ZCWPW2: variants seen among roughly 807,000 people sequenced by gnomAD.
ZCWPW2 encodes zinc finger CW-type PWWP domain protein 2.
ZCWPW2 carries 45 observed loss-of-function variants against 46.6 expected under a neutral mutation model. That is an observed-to-expected ratio of 0.96 (90% CI 0.76 to 1.24). The LOEUF is 1.24. ZCWPW2 is among the 50% of genes most tolerant of loss of function. The probability of loss-of-function intolerance (pLI) is 0.00; values close to 1 mark genes in which losing one functional copy is unlikely to be tolerated. For missense variants in ZCWPW2, 429 were observed against 403.9 expected, an observed-to-expected ratio of 1.06 and a Z score of -0.53; for synonymous variants, 152 against 137.1, an observed-to-expected ratio of 1.11 and a Z score of -0.76.
intron 1 of ZCWPW2, among the ~76,000 whole-genome samples, chr3:28,349,513 C>G (rs1272411497): frequency 6.6e-6 from 1 of 152,208 alleles, no homozygotes; most frequent in Non-Finnish European, 1.5e-5. Context: ...ACCACGACTT[C>G]TAGCACACTG....
chr3:28,439,655 A>G (rs1303514580), intron 4 of ZCWPW2, among the ~76,000 whole-genome samples: 1 of 152,222 alleles, frequency 6.6e-6, no homozygotes, highest in African/African-American at 2.4e-5. Flanking sequence ...GCCTAACATA[A>G]TACAACTATC....
chr3:28,368,472 T>G, intron 1 of ZCWPW2, among the ~76,000 whole-genome samples: 1 of 152,230 alleles, frequency 6.6e-6, no homozygotes, highest in Admixed American at 6.5e-5. Context: ...TCTTTAAGAA[T>G]GTTAAATATT....
chr3:28,363,771 T>C (rs1228751375), intron 1 of ZCWPW2, among the ~76,000 whole-genome samples: 1 of 152,144 alleles, frequency 6.6e-6, no homozygotes, highest in African/African-American at 2.4e-5. Context: ...TTAAACCTTA[T>C]GGCTTGCCTT....
chr3:28,451,273 G>T (rs1209125151), intron 4 of ZCWPW2, among the ~76,000 whole-genome samples: 3 of 152,148 alleles, frequency 2.0e-5, no homozygotes, highest in Non-Finnish European at 4.4e-5. Flanking sequence ...GCCATCCCTT[G>T]AAGGTAGACA....
chr3:28,389,496 T>C (rs1439027487), intron 1 of ZCWPW2, among the ~76,000 whole-genome samples: 1 of 152,214 alleles, frequency 6.6e-6, no homozygotes, highest in Non-Finnish European at 1.5e-5. Context: ...ATATTTTGCT[T>C]ACCTCTATTG....
intron 5 of ZCWPW2, among the ~76,000 whole-genome samples, chr3:28,480,567 C>T (rs1187613862): frequency 1.3e-5 from 2 of 152,150 alleles, no homozygotes; most frequent in Non-Finnish European, 2.9e-5. Context: ...GTTTCTATTG[C>T]TGTGCTCTTT....
chr3:28,509,569 T>C (rs963721897), intron 6 of ZCWPW2, among the ~76,000 whole-genome samples: 4 of 152,166 alleles, frequency 2.6e-5, no homozygotes, highest in African/African-American at 9.6e-5. Context: ...GATTTTCATT[T>C]CTCTAATGAC....
At chr3:28,382,474 A>G (rs1228841465) in intron 1 of ZCWPW2, among the ~76,000 whole-genome samples, 1 of 152,194 alleles carries the variant, frequency 6.6e-6, no homozygotes. Flanking sequence ...AACTCCAAGT[A>G]GAGTAATATT....
chr3:28,416,924 T>A (rs1415592373), intron 3 of ZCWPW2, among the ~76,000 whole-genome samples: 1 of 144,054 alleles, frequency 6.9e-6, no homozygotes, highest in Non-Finnish European at 1.5e-5. Context: ...TTGCCAGTAT[T>A]TTATTGAGGA....
intron 6 of ZCWPW2, among the ~76,000 whole-genome samples, chr3:28,509,064 T>G (rs1180581528): frequency 6.6e-6 from 1 of 152,210 alleles, no homozygotes; most frequent in Non-Finnish European, 1.5e-5. Flanking sequence ...CCACGGAATC[T>G]ATTTTCTGCT....
intron 4 of ZCWPW2, among the ~76,000 whole-genome samples, chr3:28,443,882 A>G (rs1473922942): frequency 2.0e-5 from 3 of 152,164 alleles, no homozygotes; most frequent in African/African-American, 7.2e-5. Flanking sequence ...GAGTAGGTCT[A>G]AGTGACTAAT....
At chr3:28,410,493 A>G (rs746380433) in intron 2 of ZCWPW2, among the ~76,000 whole-genome samples, 5 of 152,014 alleles carry the variant, frequency 3.3e-5, no homozygotes, top group Non-Finnish European at 7.4e-5. Flanking sequence ...ATGCCAAAAA[A>G]ATCAATATCA....
intron 4 of ZCWPW2, chr3:28,447,956 A>G (rs1024578649): frequency 8.8e-6 from 6 of 685,700 alleles, no homozygotes; most frequent in African/African-American, 3.5e-5. Context: ...AGCAGGCCCT[A>G]TGGTGTTTCC....
In ZCWPW2 at chr3:28,349,050, G is replaced by C. The variant is rs1267722957; in HGVS notation, c.-287G>C. On this transcript the variant is annotated 5_prime_UTR_variant, in exon 1 of 10. Coordinates refer to ENST00000383768, the MANE Select transcript of ZCWPW2 (RefSeq NM_001040432.4). The stretch of plus-strand genomic sequence containing the variant: ...CGCGAGGAAACCGGAAGTCAGGCCC[G>C]AGGGAGCTGGGAGGGCGTTAGCGAA... 3 of 986,136 alleles carry C rather than the reference G, an allele frequency of 3.0e-6. No homozygotes were observed. Among genetic ancestry groups the C allele is most frequent in the Admixed American group, 6.1e-5 (1 of 16,276 alleles). The allele number at this position is 986,136 out of a possible 1,614,324, so 61.1% of individuals were successfully genotyped here.
chr3:28,516,229 C>G (rs1203997264), intron 8 of ZCWPW2, among the ~76,000 whole-genome samples: 1 of 150,402 alleles, frequency 6.6e-6, no homozygotes, highest in African/African-American at 2.5e-5. Context: ...GACAGAACAA[C>G]AGAATGACAG....
intron 6 of ZCWPW2, among the ~76,000 whole-genome samples, chr3:28,507,491 C>CTTT (rs397941054): frequency 7.0e-6 from 1 of 143,628 alleles, no homozygotes. Context: ...TATCAATATT[C>CTTT]TTTTTTTTTT....
chr3:28,396,268 C>G (rs1192874687), intron 2 of ZCWPW2, among the ~76,000 whole-genome samples: 1 of 152,042 alleles, frequency 6.6e-6, no homozygotes, highest in Non-Finnish European at 1.5e-5. Context: ...ACTGGTTATT[C>G]AACTTCAATT....
At chr3:28,443,644 C>T (rs1340606753) in intron 4 of ZCWPW2, among the ~76,000 whole-genome samples, 1 of 152,194 alleles carries the variant, frequency 6.6e-6, no homozygotes, top group Non-Finnish European at 1.5e-5. Context: ...CTATGCCCAC[C>T]TTGCCTTTAA....
At chr3:28,423,892 T>C (rs1696899499) in intron 3 of ZCWPW2, among the ~76,000 whole-genome samples, 1 of 152,092 alleles carries the variant, frequency 6.6e-6, no homozygotes, top group Non-Finnish European at 1.5e-5. Context: ...ATGGATCATA[T>C]AATTTTTAGT....
Sources: allele counts gnomAD v4.1 joint callset (sites outside exome capture counted in the v4.1 genomes callset), GRCh38; gene constraint gnomAD v4.1.1; transcripts MANE v1.5; gene names NCBI Gene and HGNC (gene_info 2026-07-23, HGNC 2026-07-21).